The following NCAM1 variants were observed in gnomAD, a reference collection of about 807,000 sequenced individuals.
NCAM1 encodes antigen recognized by monoclonal antibody 5.1H11.
Under a neutral mutation model 109.8 loss-of-function variants are expected in NCAM1, and 14 were observed. The observed-to-expected ratio is 0.13, with a 90% confidence interval of 0.08 to 0.20. The LOEUF (loss-of-function observed/expected upper bound fraction) is 0.20, where lower values mean the gene tolerates loss of function less well. NCAM1 is among the 10% of genes least tolerant of loss of function. The pLI is 1.00. For synonymous variants in NCAM1, 418 were observed against 442.9 expected (o/e 0.94, Z 0.70); for missense variants, 774 against 1,109.9 (o/e 0.70, Z 4.30).
intron 1 of NCAM1, among the ~76,000 whole-genome samples, chr11:112,965,257 C>T (rs1950701178): frequency 6.6e-6 from 1 of 151,754 alleles, no homozygotes; most frequent in Admixed American, 6.6e-5. Flanking sequence ...AAAAAAAATC[C>T]CACATCAAAA....
At chr11:113,031,703 A>G (rs1952725251) in intron 1 of NCAM1, among the ~76,000 whole-genome samples, 1 of 151,830 alleles carries the variant, frequency 6.6e-6, no homozygotes, top group Admixed American at 6.6e-5. Flanking sequence ...AAAAGAAAAG[A>G]AAAAGAAAAA....
At chr11:113,188,335 A>T (rs1345520915) in intron 1 of NCAM1, among the ~76,000 whole-genome samples, 1 of 151,948 alleles carries the variant, frequency 6.6e-6, no homozygotes, top group Non-Finnish European at 1.5e-5. Flanking sequence ...CTCCTCAGTC[A>T]CCCCCAGGAC....
At chr11:113,038,716 C>T (rs1952973923) in intron 1 of NCAM1, among the ~76,000 whole-genome samples, 1 of 152,190 alleles carries the variant, frequency 6.6e-6, no homozygotes, top group Admixed American at 6.5e-5. Flanking sequence ...AGGATTTGGG[C>T]TCCACTGAGT....
chr11:113,024,617 A>G (rs1289138107), intron 1 of NCAM1, among the ~76,000 whole-genome samples: 4 of 152,144 alleles, frequency 2.6e-5, no homozygotes, highest in Non-Finnish European at 4.4e-5. Context: ...AAGAATATAT[A>G]TATACTTTTC....
At chr11:113,218,263 A>G (rs1270297068) in intron 8 of NCAM1, among the ~76,000 whole-genome samples, 3 of 152,194 alleles carry the variant, frequency 2.0e-5, no homozygotes, top group African/African-American at 4.8e-5. Context: ...AAGGTCAAGT[A>G]CAAAGCCCTT....
intron 1 of NCAM1, among the ~76,000 whole-genome samples, chr11:112,961,873 G>C (rs1000203201): frequency 2.0e-5 from 3 of 152,102 alleles, no homozygotes; most frequent in African/African-American, 7.2e-5. Context: ...GCCTCCCCGA[G>C]CCGCCAGCGC....
In NCAM1 at chr11:113,273,015, G is replaced by A. The variant is rs988095178; in HGVS notation, c.2456+1139G>A. 3.5e-5 allele frequency: 16 copies of A among 456,652 alleles called. No homozygotes were observed. The highest frequency in any genetic ancestry group is 5.7e-5 in the Non-Finnish European group (13 of 226,966). 28.3% of individuals were successfully genotyped at this position (456,652 alleles called of 1,614,324 possible). A position where few individuals can be genotyped will look rare whatever the true frequency, so the allele number is the denominator to read the frequency against. On this transcript the variant is annotated intron_variant, in intron 19 of 19. Transcript: ENST00000316851. This position sits in a 1 kb window ranked among gnomAD's most constrained non-coding sequence, Gnocchi z 6.0. The stretch of plus-strand genomic sequence containing the variant: ...CACCACTAACTCTGACACTATCACC[G>A]AAACCTTTGCCACTGCTCAGAACAG...
At chr11:113,256,104 G>A in intron 16 of NCAM1, 103 bp downstream of exon 16, 1 of 1,420,828 alleles carries the variant, frequency 7.0e-7, no homozygotes, top group South Asian at 1.4e-5. Context: ...GTGGGATGGG[G>A]TCTTATTCTG....
chr11:113,044,854 C>T (rs974008287), intron 1 of NCAM1, among the ~76,000 whole-genome samples: 1 of 151,976 alleles, frequency 6.6e-6, no homozygotes, highest in Non-Finnish European at 1.5e-5. Flanking sequence ...CGCAGGTTCA[C>T]GCCATTCTCC....
chr11:113,163,352 G>A (rs1422464311), intron 1 of NCAM1, among the ~76,000 whole-genome samples: 6 of 152,206 alleles, frequency 3.9e-5, no homozygotes, highest in Non-Finnish European at 8.8e-5. Context: ...AGCCGGGTCA[G>A]CCAGGCAGAT....
intron 1 of NCAM1, among the ~76,000 whole-genome samples, chr11:113,053,555 A>G (rs1460492530): frequency 1.3e-5 from 2 of 152,186 alleles, no homozygotes; most frequent in African/African-American, 4.8e-5. Flanking sequence ...TTTCTCTGCA[A>G]GCTTGCCAGC....
chr11:113,030,829 T>C (rs1429790608), intron 1 of NCAM1, among the ~76,000 whole-genome samples: 4 of 152,220 alleles, frequency 2.6e-5, no homozygotes, highest in Non-Finnish European at 5.9e-5. Context: ...GCAGTTTCAT[T>C]GACTCACTTA....
intron 1 of NCAM1, among the ~76,000 whole-genome samples, chr11:113,174,356 C>T (rs1427926258): frequency 1.3e-5 from 2 of 152,176 alleles, no homozygotes; most frequent in Non-Finnish European, 2.9e-5. Flanking sequence ...TTCTAAGCAA[C>T]CTCAATTTCA....
intron 15 of NCAM1, among the ~76,000 whole-genome samples, chr11:113,253,947 C>T (rs536729719): frequency 2.0e-5 from 3 of 152,298 alleles, no homozygotes; most frequent in South Asian, 4.2e-4. Context: ...CCAGACTAAC[C>T]GGGATGAGTT....
rs185747842 is a variant in NCAM1 at position 113,276,488 on chromosome 11, T to G, written c.*1101T>G. On this transcript the variant is annotated 3_prime_UTR_variant, in exon 20 of 20. Transcript: ENST00000316851. Reference sequence around the variant, plus strand: ...CTTCTTTTGAAGGACTCCTTAGGCTTTGTTGAATGAAGCAGAGAAGATTGT... The same window carrying G: ...CTTCTTTTGAAGGACTCCTTAGGCTGTGTTGAATGAAGCAGAGAAGATTGT... 1 of 152,776 alleles carries G rather than the reference T, an allele frequency of 6.5e-6. No individual in the cohort carries two copies. The highest frequency in any genetic ancestry group is 1.9e-4 in the East Asian group (1 of 5,182). 9.5% of individuals were successfully genotyped at this position (152,776 alleles called of 1,614,324 possible).
intron 1 of NCAM1, among the ~76,000 whole-genome samples, chr11:112,981,363 T>A (rs909696791): frequency 5.3e-5 from 8 of 151,944 alleles, no homozygotes; most frequent in Non-Finnish European, 8.8e-5. Flanking sequence ...GGATTTAAGA[T>A]GTATTTCTTG....
chr11:113,049,140 C>G (rs1953374184), intron 1 of NCAM1, among the ~76,000 whole-genome samples: 1 of 152,148 alleles, frequency 6.6e-6, no homozygotes. Flanking sequence ...ATGCAAATGT[C>G]TTGGAACTTG....
chr11:113,249,523 G>C (rs2137491740), intron 15 of NCAM1, among the ~76,000 whole-genome samples: 1 of 152,320 alleles, frequency 6.6e-6, no homozygotes, highest in East Asian at 1.9e-4. Context: ...CTCCCCAGGA[G>C]CCACATTCTT....
intron 1 of NCAM1, among the ~76,000 whole-genome samples, chr11:113,013,367 C>T (rs1952120010): frequency 7.3e-6 from 1 of 136,388 alleles, no homozygotes; most frequent in Non-Finnish European, 1.5e-5. Context: ...CGGAGGGTTG[C>T]AGTGAGCTGA....
Sources: gnomAD v4.1 joint callset for allele counts (sites outside exome capture counted in the v4.1 genomes callset) on GRCh38, gnomAD v4.1.1 for gene constraint, Gnocchi (gnomAD v3.1) non-coding constraint, MANE v1.5 for transcripts, NCBI Gene and HGNC (gene_info 2026-07-23, HGNC 2026-07-21) for gene names.